ABCC9: variants seen among roughly 807,000 people sequenced by gnomAD.
The protein encoded by ABCC9 is ATP-binding cassette sub-family C member 9.
A neutral mutation model predicts 188.3 loss-of-function variants in ABCC9; 95 were observed. The ratio of observed to expected loss-of-function variants is 0.50; its 90% CI spans 0.43 to 0.60. The LOEUF (loss-of-function observed/expected upper bound fraction) is 0.60, where lower values mean the gene tolerates loss of function less well. Ranked by LOEUF, ABCC9 falls within the 20% of genes least tolerant of loss-of-function variation. The pLI, the probability that ABCC9 is intolerant of heterozygous loss-of-function variation, is 0.00. For synonymous variants in ABCC9, 659 were observed against 652.7 expected (o/e 1.01, Z -0.15); for missense variants, 1,102 against 1,876.3 (o/e 0.59, Z 7.62).
chr12:21,829,373 T>C (rs1943601203), intron 30 of ABCC9, among the ~76,000 whole-genome samples: 2 of 152,050 alleles, frequency 1.3e-5, no homozygotes, highest in South Asian at 4.2e-4. Flanking sequence ...GGCTAATTTT[T>C]TGTATTTTTA....
At chr12:21,883,996 C>A (rs1946756915) in intron 15 of ABCC9, among the ~76,000 whole-genome samples, 1 of 152,026 alleles carries the variant, frequency 6.6e-6, no homozygotes. Context: ...AGCTCATAAA[C>A]CTCTAATCTG....
At chr12:21,917,202 T>A in intron 5 of ABCC9, 99 bp from the exon 6 acceptor site, 6 of 1,182,580 alleles carry the variant, frequency 5.1e-6, no homozygotes, top group Non-Finnish European at 7.5e-6. Flanking sequence ...AAAGGCAATT[T>A]TATGTACTAT....
At chr12:21,928,092 T>A (rs1949111844) in intron 4 of ABCC9, among the ~76,000 whole-genome samples, 1 of 151,830 alleles carries the variant, frequency 6.6e-6, no homozygotes, top group African/African-American at 2.4e-5. Flanking sequence ...TGGTGCCACA[T>A]GCCTGTGACC....
At chr12:21,881,668 G>C (rs572404417) in intron 16 of ABCC9, among the ~76,000 whole-genome samples, 12 of 150,646 alleles carry the variant, frequency 8.0e-5, no homozygotes, top group African/African-American at 2.4e-4. Flanking sequence ...ATAGCCCCTA[G>C]TTCACACACT....
intron 21 of ABCC9, among the ~76,000 whole-genome samples, chr12:21,860,236 A>C (rs1945436553): frequency 1.3e-5 from 2 of 152,228 alleles, no homozygotes; most frequent in Non-Finnish European, 2.9e-5. Context: ...ACTGAGGCTC[A>C]CAGAACTTAA....
intron 5 of ABCC9, chr12:21,923,748 T>A (rs1282525249): frequency 4.6e-6 from 3 of 655,556 alleles, no homozygotes; most frequent in Admixed American, 5.0e-5. Context: ...ACTTATTGTA[T>A]GACCCAGAGA....
chr12:21,864,464 C>G lies in ABCC9; in HGVS notation c.2212G>C (p.Glu738Gln). 1 of 1,593,764 alleles carries G rather than the reference C, an allele frequency of 6.3e-7. No individual in the cohort carries two copies. The highest frequency in any genetic ancestry group is 1.7e-5 in the Admixed American group (1 of 59,890). Reference sequence around the variant, plus strand: ...CTTCTGGTTGCTTCAAAAGAAGGCTCAGATTCATTTACACTGCAAGTATGG... The same window carrying G: ...CTTCTGGTTGCTTCAAAAGAAGGCTGAGATTCATTTACACTGCAAGTATGG... The part of the protein sequence containing the change: ...KVHWSNVNES[E>Q]PSFEATRSRN... The change falls in exon 19 of 40, where the codon GAG becomes CAG. Residue 738 changes from glutamate (E) to glutamine (Q), a missense_variant. Physicochemically the swap from Glu to Gln is conservative, Grantham distance 29. Around this residue, in one of 12 missense-constraint regions of ABCC9, gnomAD observed 258 missense variants for 325.6 expected, o/e 0.79. Transcript: ENST00000261200.
chr12:21,873,497 C>T (rs1444945999), intron 17 of ABCC9, among the ~76,000 whole-genome samples: 5 of 152,106 alleles, frequency 3.3e-5, no homozygotes, highest in Non-Finnish European at 7.4e-5. Context: ...CTACCCAAAG[C>T]AATCTACAGA....
intron 4 of ABCC9, among the ~76,000 whole-genome samples, chr12:21,930,435 A>T (rs1458955322): frequency 6.6e-6 from 1 of 152,168 alleles, no homozygotes; most frequent in Non-Finnish European, 1.5e-5. Context: ...AAAAAAGCAG[A>T]CCTCTGAAAG....
At chr12:21,815,000 T>C (rs928219509) in intron 34 of ABCC9, among the ~76,000 whole-genome samples, 1 of 151,940 alleles carries the variant, frequency 6.6e-6, no homozygotes, top group African/African-American at 2.4e-5. Context: ...CTGGGCAATA[T>C]TGCAAAAACC....
At chr12:21,854,125 C>A (rs1945108163) in intron 22 of ABCC9, among the ~76,000 whole-genome samples, 1 of 152,152 alleles carries the variant, frequency 6.6e-6, no homozygotes, top group South Asian at 2.1e-4. Context: ...CAGTCATAGT[C>A]TCTCTACAGA....
intron 18 of ABCC9, among the ~76,000 whole-genome samples, chr12:21,867,547 C>T (rs925634279): frequency 4.6e-5 from 7 of 152,046 alleles, no homozygotes; most frequent in Non-Finnish European, 8.8e-5. Context: ...GGGAGAGTGA[C>T]TTTTGCAAAT....
At position 21,922,984 on chromosome 12, in the gene ABCC9, C is replaced by T. The variant is rs1445224643; in HGVS notation, c.406+2958G>A. 3 of 150,398 alleles carry T rather than the reference C, an allele frequency of 2.0e-5. No individual in the cohort carries two copies. In the East Asian group the frequency reaches 5.9e-4, roughly 29 times the overall value. The allele number at this position is 150,398 out of a possible 1,614,324, so 9.3% of individuals were successfully genotyped here. On this transcript the variant is annotated intron_variant, in intron 5 of 39. Coordinates refer to ENST00000261200, the MANE Select transcript of ABCC9 (RefSeq NM_020297.4). The stretch of plus-strand genomic sequence containing the variant: ...CCAAAATAGATTAAATTTAAATAGT[C>T]ATTTGATTTATTTTTTTTTACATAA...
At chr12:21,876,829 A>C (rs1284129229) in intron 16 of ABCC9, among the ~76,000 whole-genome samples, 1 of 152,226 alleles carries the variant, frequency 6.6e-6, no homozygotes, top group African/African-American at 2.4e-5. Flanking sequence ...ATTTTGCAGA[A>C]TGGATTTGTG....
intron 3 of ABCC9, among the ~76,000 whole-genome samples, chr12:21,936,233 C>A (rs1419914392): frequency 4.6e-5 from 7 of 152,108 alleles, no homozygotes; most frequent in Non-Finnish European, 4.4e-5. Context: ...TTTACCTAAC[C>A]CAAAGTAAGT....
chr12:21,880,410 T>G (rs904468482), intron 16 of ABCC9, among the ~76,000 whole-genome samples: 6 of 152,176 alleles, frequency 3.9e-5, no homozygotes, highest in African/African-American at 1.4e-4. Flanking sequence ...ATATTAAAAT[T>G]AAGAACTTCT....
rs897694448 is a variant in ABCC9, at chr12:21,876,146, C to T, written c.2020-420G>A. 7.2e-5 allele frequency among the ~76,000 whole-genome samples: 11 copies of T among 152,186 alleles called. No individual in the cohort carries two copies. The East Asian group carries it at 7.7e-4, about 11-fold the overall frequency. On this transcript the variant is annotated intron_variant, in intron 16 of 39. Coordinates refer to ENST00000261200, the MANE Select transcript of ABCC9 (RefSeq NM_020297.4). Reference sequence around the variant, plus strand: ...ACGGTGAAATTCTGATTTAGAGTTACGGCTATTTAGTGGTATAAATGAAAA... The same window carrying T: ...ACGGTGAAATTCTGATTTAGAGTTATGGCTATTTAGTGGTATAAATGAAAA...
intron 5 of ABCC9, among the ~76,000 whole-genome samples, chr12:21,920,208 T>C (rs1008493264): frequency 6.6e-6 from 1 of 151,984 alleles, no homozygotes; most frequent in African/African-American, 2.4e-5. Context: ...TATGTCTATT[T>C]GGCATTTTAC....
rs1209377612 is a variant in ABCC9 at position 21,859,777 on chromosome 12, C to T, written c.2425-111G>A. ...TTTAAAAATCTTAGATTGATAGTAA[C>T]TTGTTAATTAAATTGTAGTAACATT... On this transcript the variant is annotated intron_variant, in intron 21 of 39. Coordinates refer to ENST00000261200, the MANE Select transcript of ABCC9 (RefSeq NM_020297.4). 3.3e-6 allele frequency: 3 copies of T among 905,662 alleles called. No homozygotes were observed. In the Admixed American group the frequency reaches 5.2e-5, roughly 16 times the overall value. 56.1% of individuals were successfully genotyped at this position (905,662 alleles called of 1,614,324 possible).
Sources: gnomAD v4.1 joint callset for allele counts (sites outside exome capture counted in the v4.1 genomes callset) on GRCh38, gnomAD v4.1.1 for gene constraint, gnomAD v4.1.1 regional missense constraint, MANE v1.5 for transcripts, NCBI Gene and HGNC (gene_info 2026-07-23, HGNC 2026-07-21) for gene names.